The following KIF1B variants were observed in gnomAD, a reference collection of about 807,000 sequenced individuals.
The protein encoded by KIF1B is kinesin-like protein KIF1B.
Under a neutral mutation model 241.9 loss-of-function variants are expected in KIF1B, and 76 were observed. The observed-to-expected ratio is 0.31, with a 90% CI of 0.26 to 0.38. The LOEUF (loss-of-function observed/expected upper bound fraction) is 0.38. Among genes scored for constraint, KIF1B ranks in the 10% least tolerant of loss-of-function variants. The pLI is 1.00. For missense variants in KIF1B, 1,622 were observed against 2,271.4 expected (o/e 0.71, Z 5.81); for synonymous variants, 750 against 796.7 (o/e 0.94, Z 0.99).
chr1:10,364,112 T>G (rs766789660), intron 41 of KIF1B, among the ~76,000 whole-genome samples: 19 of 152,044 alleles, frequency 1.2e-4, no homozygotes, highest in Non-Finnish European at 2.5e-4. Flanking sequence ...TTCTCTGTCA[T>G]CTGTCAGCCA....
chr1:10,291,965 A>C, intron 16 of KIF1B, 82 bp from the exon 17 acceptor site: 1 of 1,189,276 alleles, frequency 8.4e-7, no homozygotes. Context: ...TTTGCTTTGC[A>C]GGCTTTATTT....
chr1:10,321,846 C>T lies in KIF1B; in HGVS notation c.2347C>T (p.Leu783=), dbSNP rs770590219. ...GGAGGCCAATGCCATCAGTGTGGAACTGAAAAAGAAGGTATGGAGCAGGAG... is the reference window on the plus strand; with the variant it reads ...GGAGGCCAATGCCATCAGTGTGGAATTGAAAAAGAAGGTATGGAGCAGGAG... ...LKEANAISVE[L]KKKVQFQFVL... The change falls in exon 24 of 49, where the codon CTG becomes TTG. Residue 783 remains leucine, a synonymous_variant. Coordinates refer to ENST00000676179, the MANE Select transcript of KIF1B (RefSeq NM_001365951.3). 8 of 1,614,112 alleles carry T rather than the reference C, an allele frequency of 5.0e-6. No homozygotes were observed. In the South Asian group the frequency reaches 6.6e-5, roughly 13 times the overall value.
At chr1:10,253,253 C>G (rs1005501029) in intron 2 of KIF1B, among the ~76,000 whole-genome samples, 3 of 152,120 alleles carry the variant, frequency 2.0e-5, no homozygotes, top group Non-Finnish European at 4.4e-5. Flanking sequence ...GCTCTGGAGC[C>G]ATGAATAACT....
chr1:10,378,308 C>T lies in KIF1B; in HGVS notation c.*1721C>T. 1.4e-6 allele frequency: 1 copy of T among 717,730 alleles called. No individual in the cohort carries two copies. The highest frequency in any genetic ancestry group is 2.6e-6 in the Non-Finnish European group (1 of 385,182). The allele number at this position is 717,730 out of a possible 1,614,324, so 44.5% of individuals were successfully genotyped here. Reference sequence around the variant, plus strand: ...CTGCCCAGGGAGAAAGGAGGAAGCTCACTGTGGACAGTCTTCTTTCCTTCT... The same window carrying T: ...CTGCCCAGGGAGAAAGGAGGAAGCTTACTGTGGACAGTCTTCTTTCCTTCT... On this transcript the variant is annotated 3_prime_UTR_variant, in exon 49 of 49. Transcript: ENST00000676179.
At position 10,253,582 on chromosome 1, in the gene KIF1B, G is replaced by A. The variant is rs184122385; in HGVS notation, c.107-2665G>A. ...CACTGGAGCCCAGGAGGTTGAGTCT[G>A]TAGTGAATTGTGGTTGTACCACTGT... On this transcript the variant is annotated intron_variant, in intron 2 of 48. Coordinates refer to ENST00000676179, the MANE Select transcript of KIF1B (RefSeq NM_001365951.3). Among the ~76,000 whole-genome samples, 8 of 152,280 alleles carry A rather than the reference G, an allele frequency of 5.3e-5. No individual in the cohort carries two copies. In the East Asian group the frequency reaches 1.5e-3, roughly 29 times the overall value.
At chr1:10,256,161 G>C (rs1478943479) in intron 2 of KIF1B, 86 bp from the exon 3 acceptor site, 2 of 847,670 alleles carry the variant, frequency 2.4e-6, no homozygotes, top group Non-Finnish European at 2.0e-6. Flanking sequence ...TTACTGATTG[G>C]GATGTTTTGA....
chr1:10,223,964 G>A (rs117251652), intron 1 of KIF1B, among the ~76,000 whole-genome samples: 19 of 152,244 alleles, frequency 1.2e-4, no homozygotes, highest in East Asian at 3.9e-4. Context: ...AACAATGCCC[G>A]GCTAATTTTT....
At chr1:10,229,216 TAAAG>T (rs1447510815) in intron 1 of KIF1B, among the ~76,000 whole-genome samples, 3 of 152,072 alleles carry the variant, frequency 2.0e-5, no homozygotes, top group South Asian at 2.1e-4. Flanking sequence ...GATATTTAAA[TAAAG>T]AACCATCAGT....
At chr1:10,369,744 C>G (rs1451947078) in intron 44 of KIF1B, among the ~76,000 whole-genome samples, 1 of 151,946 alleles carries the variant, frequency 6.6e-6, no homozygotes, top group Non-Finnish European at 1.5e-5. Flanking sequence ...ACCAGCCTGA[C>G]CAACATGGAG....
At chr1:10,305,210 T>A (rs1650768085) in intron 22 of KIF1B, 2 of 1,045,964 alleles carry the variant, frequency 1.9e-6, no homozygotes, top group South Asian at 9.1e-5. Context: ...CAAACATATC[T>A]TGCAATACAT....
At chr1:10,297,931 G>T (rs1213405371) in intron 22 of KIF1B, among the ~76,000 whole-genome samples, 1 of 152,096 alleles carries the variant, frequency 6.6e-6, no homozygotes, top group Non-Finnish European at 1.5e-5. Context: ...TAAGGTCCCA[G>T]CTATTGATAC....
chr1:10,305,476 T>G (rs1381268620), intron 22 of KIF1B: 4 of 1,059,608 alleles, frequency 3.8e-6, no homozygotes, highest in East Asian at 5.2e-5. Context: ...AAAAAACTTG[T>G]GTAGCTTGTA....
rs1351889047 is a variant in KIF1B at position 10,348,053 on chromosome 1, T to C, written c.3864+226T>C. Among the ~76,000 whole-genome samples the C allele has an allele frequency of 2.6e-5, 4 of 152,162 alleles. No individual in the cohort carries two copies. In the East Asian group the frequency reaches 7.7e-4, roughly 29 times the overall value. ...TTTATATGTATTTAGAATAGCTATTTTGAAAAATATTTTGTTTCATTCAAT... is the reference window on the plus strand; with the variant it reads ...TTTATATGTATTTAGAATAGCTATTCTGAAAAATATTTTGTTTCATTCAAT... On this transcript the variant is annotated intron_variant, in intron 36 of 48. Coordinates refer to ENST00000676179, the MANE Select transcript of KIF1B (RefSeq NM_001365951.3).
chr1:10,351,388 A>G (rs1652788789), intron 37 of KIF1B, among the ~76,000 whole-genome samples: 1 of 152,184 alleles, frequency 6.6e-6, no homozygotes, highest in Non-Finnish European at 1.5e-5. Context: ...ACTCTGATGT[A>G]GTATTTACCA....
In KIF1B at chr1:10,379,534, T is replaced by G. The variant is rs988060783; in HGVS notation, c.*2947T>G. The stretch of plus-strand genomic sequence containing the variant: ...TGAGAGATTTGTGGCAGGAACTGTT[T>G]ATGAGGCTCTAGTTGTTGCTGTTGT... On this transcript the variant is annotated 3_prime_UTR_variant, in exon 49 of 49. Coordinates refer to ENST00000676179, the MANE Select transcript of KIF1B (RefSeq NM_001365951.3). 1 of 231,752 alleles carries G rather than the reference T, an allele frequency of 4.3e-6. No individual in the cohort carries two copies. The highest frequency in any genetic ancestry group is 2.2e-5 in the African/African-American group (1 of 45,244). 14.4% of individuals were successfully genotyped at this position (231,752 alleles called of 1,614,324 possible).
At chr1:10,351,642 T>C (rs940778541) in intron 37 of KIF1B, among the ~76,000 whole-genome samples, 2 of 151,440 alleles carry the variant, frequency 1.3e-5, no homozygotes, top group Non-Finnish European at 2.9e-5. Flanking sequence ...GAAAACAGAG[T>C]GTAGGATTTT....
chr1:10,236,307 A>ACAACAACAACC (rs1557655415), intron 2 of KIF1B, among the ~76,000 whole-genome samples: 5 of 151,656 alleles, frequency 3.3e-5, no homozygotes, highest in Non-Finnish European at 5.9e-5. Flanking sequence ...CAACAACAAA[A>ACAACAACAACC]ACCCATATAG....
At position 10,245,958 on chromosome 1, in the gene KIF1B, T is replaced by C. The variant is rs545394370; in HGVS notation, c.107-10289T>C. On this transcript the variant is annotated intron_variant, in intron 2 of 48. Coordinates refer to ENST00000676179, the MANE Select transcript of KIF1B (RefSeq NM_001365951.3). ...TCGGTTAAAGTCCACCAGGCTTTTG[T>C]CCTCAGATCTCTCTCTCCAGAAAAG... Among the ~76,000 whole-genome samples, 311 of 152,320 alleles carry C rather than the reference T, an allele frequency of 2.0e-3. 3 individuals carry two copies. The highest frequency in any genetic ancestry group is 2.6e-3 in the Non-Finnish European group (176 of 68,026).
intron 37 of KIF1B, among the ~76,000 whole-genome samples, chr1:10,351,435 A>C (rs1652789688): frequency 6.6e-6 from 1 of 152,178 alleles, no homozygotes; most frequent in Non-Finnish European, 1.5e-5. Context: ...CAAAAATACT[A>C]GTTTGTTTAA....
Sources: allele counts gnomAD v4.1 joint callset (sites outside exome capture counted in the v4.1 genomes callset), GRCh38; gene constraint gnomAD v4.1.1; transcripts MANE v1.5; gene names NCBI Gene and HGNC (gene_info 2026-07-23, HGNC 2026-07-21).